The following UGT1A6 variants were observed in gnomAD, a reference collection of about 807,000 sequenced individuals.
UGT1A6 encodes UDP glucuronosyltransferase family 1 member A6, also known as UDP-glucuronosyltransferase 1A6.
In UGT1A6, 32 loss-of-function variants were observed where a neutral mutation model predicts 44.4. The observed-to-expected ratio is 0.72, with a 90% CI of 0.54 to 0.97. The LOEUF (loss-of-function observed/expected upper bound fraction) is 0.97, where lower values mean the gene tolerates loss of function less well. Among genes scored for constraint, UGT1A6 ranks in the 50% least tolerant of loss-of-function variants. The pLI, the probability that UGT1A6 is intolerant of heterozygous loss-of-function variation, is 0.00. For synonymous variants in UGT1A6, 238 were observed against 248.5 expected, an observed-to-expected ratio of 0.96 and a Z score of 0.40; for missense variants, 685 against 661.9, an observed-to-expected ratio of 1.03 and a Z score of -0.38.
chr2:233,709,023 G>A (rs1369386629), intron 1 of UGT1A6, among the ~76,000 whole-genome samples: 2 of 152,070 alleles, frequency 1.3e-5, no homozygotes, highest in Non-Finnish European at 1.5e-5. Context: ...CCAAGCAGCA[G>A]GGGCTTCAGC....
intron 1 of UGT1A6, among the ~76,000 whole-genome samples, chr2:233,710,055 G>A (rs2076107757): frequency 6.6e-6 from 1 of 152,172 alleles, no homozygotes; most frequent in Non-Finnish European, 1.5e-5. Context: ...CTTTGGCTCG[G>A]CATAATGTCT....
chr2:233,727,904 A>G (rs1312363153), intron 1 of UGT1A6, among the ~76,000 whole-genome samples: 1 of 152,232 alleles, frequency 6.6e-6, no homozygotes, highest in Non-Finnish European at 1.5e-5. Flanking sequence ...CCAGGCAAGA[A>G]GACACAGGGG....
In UGT1A6 at chr2:233,693,644, G is replaced by T. The variant is rs775312118; in HGVS notation, c.640G>T (p.Val214Phe). The change falls in exon 1 of 5, where the codon GTT becomes TTT. Residue 214 changes from valine to phenylalanine, a missense_variant. Physicochemically the swap from Val to Phe is conservative, Grantham distance 50. Coordinates refer to ENST00000305139, the MANE Select transcript of UGT1A6 (RefSeq NM_001072.4). ...TFSQRVANFL[V>F]NLLEPYLFYC... The stretch of plus-strand genomic sequence containing the variant: ...TTCCCAACGAGTGGCCAACTTCCTT[G>T]TTAATTTGTTGGAGCCCTATCTATT... The T allele has an allele frequency of 1.4e-5, 22 of 1,614,158 alleles. No homozygotes were observed. The South Asian group carries it at 2.1e-4, about 15-fold the overall frequency.
intron 1 of UGT1A6, chr2:233,718,684 C>T (rs926562012): frequency 4.8e-5 from 76 of 1,577,802 alleles, no homozygotes; most frequent in East Asian, 2.5e-4. Context: ...TAATAAGTAA[C>T]TGGAGGAGGG....
chr2:233,717,924 T>C (rs776585493), intron 1 of UGT1A6: 6 of 454,714 alleles, frequency 1.3e-5, no homozygotes, highest in South Asian at 3.1e-5. Context: ...GATGAATGGA[T>C]ACTTCAGTCT....
intron 1 of UGT1A6, among the ~76,000 whole-genome samples, chr2:233,741,256 C>A (rs1347287188): frequency 6.6e-6 from 1 of 151,868 alleles, no homozygotes; most frequent in African/African-American, 2.4e-5. Flanking sequence ...GTATGCCACT[C>A]TTTGCTGACC....
rs371244037 is a variant in UGT1A6, at chr2:233,706,612, A to G, written c.861+12747A>G. 1.1e-4 allele frequency among the ~76,000 whole-genome samples: 16 copies of G among 152,262 alleles called. No individual in the cohort carries two copies. The East Asian group carries it at 3.1e-3, about 29-fold the overall frequency. Reference sequence around the variant, plus strand: ...GTGGACCTAAGTATGTGATAAGAAGACTAGAGAAATGAGTGTTTCTACTGT... The same window carrying G: ...GTGGACCTAAGTATGTGATAAGAAGGCTAGAGAAATGAGTGTTTCTACTGT... On this transcript the variant is annotated intron_variant, in intron 1 of 4. Transcript: ENST00000305139.
intron 1 of UGT1A6, among the ~76,000 whole-genome samples, chr2:233,702,160 A>T (rs577111484): frequency 1.3e-5 from 2 of 152,316 alleles, no homozygotes; most frequent in African/African-American, 2.4e-5. Flanking sequence ...ATCTATTATC[A>T]GTCACTCTTC....
rs146693320 is a variant in UGT1A6, at chr2:233,769,441, G to T, written c.1301+1002G>T. The T allele has an allele frequency of 6.5e-7, 1 of 1,546,730 alleles. No homozygotes were observed. Among genetic ancestry groups the T allele is most frequent in the East Asian group, 2.3e-5 (1 of 44,376 alleles). ...TGCATGTGGCTGTGCTCATGTGTGGGTGCACACGTGTGCATTCATATGCGT... is the reference window on the plus strand; with the variant it reads ...TGCATGTGGCTGTGCTCATGTGTGGTTGCACACGTGTGCATTCATATGCGT... On this transcript the variant is annotated intron_variant, in intron 4 of 4. Transcript: ENST00000305139. The surrounding 1 kb of genome is among the most constrained non-coding windows in gnomAD (Gnocchi z 4.4).
At chr2:233,719,477 C>T in intron 1 of UGT1A6, 5 of 1,613,988 alleles carry the variant, frequency 3.1e-6, no homozygotes, top group East Asian at 4.5e-5. Flanking sequence ...ACCCTCTGGC[C>T]CTGTCCTACA....
At chr2:233,692,017 T>C (rs1291303297), upstream of UGT1A6, 2 of 152,224 alleles carry the variant, frequency 1.3e-5, no homozygotes, top group Non-Finnish European at 2.9e-5. Flanking sequence ...TCTCTAAGGA[T>C]GAGGGCTAGT....
intron 1 of UGT1A6, among the ~76,000 whole-genome samples, chr2:233,704,666 G>C (rs572399791): frequency 6.6e-6 from 1 of 151,938 alleles, no homozygotes; most frequent in Non-Finnish European, 1.5e-5. Flanking sequence ...CTTTTCCTTT[G>C]TTCTTATGGA....
chr2:233,735,208 T>C (rs1197807314), intron 1 of UGT1A6, among the ~76,000 whole-genome samples: 1 of 152,228 alleles, frequency 6.6e-6, no homozygotes, highest in Non-Finnish European at 1.5e-5. Flanking sequence ...CTGTATTGGG[T>C]GCATATATAT....
In UGT1A6 at chr2:233,768,530, C is replaced by T. The variant is rs181512709; in HGVS notation, c.1301+91C>T. On this transcript the variant is annotated intron_variant, in intron 4 of 4. Transcript: ENST00000305139. ...AAAACATTTACGTAGCATTTAATAG[C>T]GTTGTTTCAAATATAAAAACAAATA... 249 of 1,496,408 alleles carry T rather than the reference C, an allele frequency of 1.7e-4. No homozygotes were observed. In the African/African-American group the frequency reaches 3.2e-3, roughly 19 times the overall value. The allele number at this position is 1,496,408 out of a possible 1,614,324, so 92.7% of individuals were successfully genotyped here. A position where few individuals can be genotyped will look rare whatever the true frequency, so the allele number is the denominator to read the frequency against.
chr2:233,718,616 C>A (rs573810131), intron 1 of UGT1A6: 11 of 858,600 alleles, frequency 1.3e-5, no homozygotes, highest in South Asian at 5.3e-5. Context: ...TCAAGATAGG[C>A]GTGATTGGTC....
rs571873235 is a variant in UGT1A6, at chr2:233,755,171, G to C, written c.862-11863G>C. On this transcript the variant is annotated intron_variant, in intron 1 of 4. Transcript: ENST00000305139. ...CTTCCTCCCTGTCCTCGGGGTTTTT[G>C]TCGGGGTGCCACTTGAGCGCCAGCT... 3.0e-4 allele frequency: 375 copies of C among 1,256,390 alleles called. 6 individuals carry two copies. In the South Asian group the frequency reaches 4.2e-3, roughly 14 times the overall value. The allele number at this position is 1,256,390 out of a possible 1,614,324, so 77.8% of individuals were successfully genotyped here.
intron 1 of UGT1A6, among the ~76,000 whole-genome samples, chr2:233,745,661 A>G (rs1429589845): frequency 6.6e-6 from 1 of 151,454 alleles, no homozygotes; most frequent in East Asian, 1.9e-4. Context: ...CAGTGTGAAC[A>G]AAGCAATTTG....
At chr2:233,746,211 T>C (rs371025099) in intron 1 of UGT1A6, among the ~76,000 whole-genome samples, 2 of 151,850 alleles carry the variant, frequency 1.3e-5, no homozygotes, top group East Asian at 3.9e-4. Flanking sequence ...TATACTCTAA[T>C]AGCAAGGACA....
intron 1 of UGT1A6, among the ~76,000 whole-genome samples, chr2:233,705,146 AAAAG>A (rs908627125): frequency 7.2e-5 from 11 of 152,126 alleles, no homozygotes; most frequent in African/African-American, 2.2e-4. Flanking sequence ...GAAAAAAAAA[AAAAG>A]AGAGAGAGAG....
Sources: gnomAD v4.1 joint callset for allele counts (sites outside exome capture counted in the v4.1 genomes callset) on GRCh38, gnomAD v4.1.1 for gene constraint, Gnocchi (gnomAD v3.1) non-coding constraint, MANE v1.5 for transcripts, NCBI Gene and HGNC (gene_info 2026-07-23, HGNC 2026-07-21) for gene names.